The following C19orf47 variants were observed in gnomAD, a reference collection of about 807,000 sequenced individuals.
C19orf47 encodes the protein uncharacterized protein C19orf47.
In C19orf47, 18 loss-of-function variants were observed where a neutral mutation model predicts 32.3. The ratio of observed to expected loss-of-function variants is 0.56; its 90% CI spans 0.39 to 0.83. The LOEUF is 0.83. Ranked by LOEUF, C19orf47 falls within the 40% of genes least tolerant of loss-of-function variation. The probability of loss-of-function intolerance (pLI) is 0.00; values close to 1 mark genes in which losing one functional copy is unlikely to be tolerated. For missense variants in C19orf47, 484 were observed against 531.6 expected (o/e 0.91, Z 0.88); for synonymous variants, 202 against 211.1 (o/e 0.96, Z 0.37).
At chr19:40,341,917 A>G in intron 1 of C19orf47, 27 bp from the exon 2 acceptor site, 1 of 1,536,178 alleles carries the variant, frequency 6.5e-7, no homozygotes, top group Non-Finnish European at 8.7e-7. Context: ...GAGAGAGCCC[A>G]TGAGCTGCTG....
chr19:40,335,586 A>G (rs2078045948), intron 4 of C19orf47, among the ~76,000 whole-genome samples: 1 of 152,124 alleles, frequency 6.6e-6, no homozygotes, highest in Non-Finnish European at 1.5e-5. Context: ...TCTCAAAAAA[A>G]TATATACAAC....
At chr19:40,296,547 G>C in the C19orf47 span, among the ~76,000 whole-genome samples, 1 of 151,992 alleles carries the variant, frequency 6.6e-6, no homozygotes, top group African/African-American at 2.4e-5. Flanking sequence ...CTCCCAAAAT[G>C]CTAGGATCAC....
At chr19:40,293,776 T>G in the C19orf47 span, among the ~76,000 whole-genome samples, 1 of 152,078 alleles carries the variant, frequency 6.6e-6, no homozygotes, top group African/African-American at 2.4e-5. Flanking sequence ...TTGCTACTGT[T>G]AATCTGCCTT....
chr19:40,311,426 C>CAG, the C19orf47 span, among the ~76,000 whole-genome samples: 20 of 151,900 alleles, frequency 1.3e-4, no homozygotes, highest in Non-Finnish European at 1.9e-4. Context: ...CCTGTAGTCC[C>CAG]AGATACTCAG....
At chr19:40,348,399 C>A, upstream of C19orf47, 1 of 1,477,528 alleles carries the variant, frequency 6.8e-7, no homozygotes, top group Non-Finnish European at 8.9e-7. Context: ...ACACTCCTCC[C>A]CCGGCCCGGG....
intron 5 of C19orf47, among the ~76,000 whole-genome samples, chr19:40,330,523 C>A (rs1292582106): frequency 6.7e-6 from 1 of 150,142 alleles, no homozygotes; most frequent in Non-Finnish European, 1.5e-5. Flanking sequence ...CAGGCGTGAG[C>A]CACCATACCC....
intron 5 of C19orf47, among the ~76,000 whole-genome samples, chr19:40,332,804 A>G (rs1355449421): frequency 6.6e-6 from 1 of 152,178 alleles, no homozygotes; most frequent in African/African-American, 2.4e-5. Context: ...CACAGAGAAC[A>G]TTTTGAGTTG....
intron 2 of C19orf47, among the ~76,000 whole-genome samples, chr19:40,341,560 A>C (rs908517556): frequency 3.3e-5 from 5 of 152,170 alleles, no homozygotes; most frequent in African/African-American, 1.2e-4. Flanking sequence ...TCCATTTCAC[A>C]GGTGAGAAAA....
chr19:40,335,726 C>T (rs2078050735), intron 4 of C19orf47, among the ~76,000 whole-genome samples: 1 of 152,020 alleles, frequency 6.6e-6, no homozygotes, highest in South Asian at 2.1e-4. Flanking sequence ...TCTCCTGCCT[C>T]AGCCTCCCAA....
At chr19:40,326,287 G>A (rs768407897) in intron 7 of C19orf47, 47 bp downstream of exon 7, 1 of 1,608,226 alleles carries the variant, frequency 6.2e-7, no homozygotes, top group Non-Finnish European at 8.5e-7. Flanking sequence ...GATGCAGAGG[G>A]AGGGACATGG....
chr19:40,307,103 T>C, the C19orf47 span, among the ~76,000 whole-genome samples: 6 of 142,766 alleles, frequency 4.2e-5, no homozygotes, highest in Admixed American at 1.4e-4. Context: ...TTTTTTTTTT[T>C]TTTTTTTTTT....
At position 40,321,991 on chromosome 19, in the gene C19orf47, C is replaced by T. The variant is rs1486373463; in HGVS notation, c.1049G>A (p.Arg350Lys). The change falls in exon 9 of 9, where the codon AGG becomes AAG. Residue 350 changes from arginine to lysine, a missense_variant. Physicochemically the swap from Arg to Lys is conservative, Grantham distance 26. Transcript: ENST00000683109. ...GCTCCCCCGGGGCCCCACCAGAGTCCTCTTAATGGTGACCTTGACCTCGGC... is the reference window on the plus strand; with the variant it reads ...GCTCCCCCGGGGCCCCACCAGAGTCTTCTTAATGGTGACCTTGACCTCGGC... ...SSAEVKVTIK[R>K]TLVGPRGSSS... The T allele has an allele frequency of 5.0e-6, 8 of 1,613,926 alleles. No individual in the cohort carries two copies. The highest frequency in any genetic ancestry group is 6.8e-6 in the Non-Finnish European group (8 of 1,179,956).
rs1056765844 is a variant in C19orf47 at position 40,333,835 on chromosome 19, A to G, written c.301+16T>C. The stretch of plus-strand genomic sequence containing the variant: ...ATAAAAATCAAGGAAAAGAGGCCTG[A>G]ATAGTTAGGACTCACCACTGGTGCC... On this transcript the variant is annotated intron_variant, in intron 5 of 8. Transcript: ENST00000683109. 14 of 1,539,378 alleles carry G rather than the reference A, an allele frequency of 9.1e-6. No individual in the cohort carries two copies. Among genetic ancestry groups the G allele is most frequent in the Middle Eastern group, 1.7e-4 (1 of 5,908 alleles).
intron 7 of C19orf47, 171 bp from the exon 8 acceptor site, chr19:40,324,247 A>T (rs2077782535): frequency 1.5e-6 from 1 of 648,010 alleles, no homozygotes. Context: ...ACCCTAACCC[A>T]CCCCTATCTG....
At chr19:40,348,138 C>A (rs1232293921) in intron 1 of C19orf47, among the ~76,000 whole-genome samples, 186 bp downstream of exon 1, 1 of 152,228 alleles carries the variant, frequency 6.6e-6, no homozygotes, top group Admixed American at 6.5e-5. Flanking sequence ...TTCTCACTCC[C>A]ATTTATAAAG....
chr19:40,342,630 G>A (rs769617837), intron 1 of C19orf47, among the ~76,000 whole-genome samples: 6 of 152,172 alleles, frequency 3.9e-5, no homozygotes, highest in African/African-American at 7.2e-5. Flanking sequence ...TTAGTGCCAC[G>A]GAGAAGACAT....
In C19orf47 at chr19:40,341,892, T is replaced by C. The variant is rs758120553; in HGVS notation, c.-33-2A>G. The stretch of plus-strand genomic sequence containing the variant: ...GGCCCTGACACTGCTCCCTGGAGCC[T>C]GAAAGAGAAGAGAGGAGAGAGCCCA... On this transcript the variant is annotated splice_acceptor_variant, in intron 1 of 8. Transcript: ENST00000683109. LOFTEE classifies it low-confidence loss of function (5UTR_SPLICE). 24 of 1,536,070 alleles carry C rather than the reference T, an allele frequency of 1.6e-5. No homozygotes were observed. The highest frequency in any genetic ancestry group is 2.6e-6 in the Non-Finnish European group (3 of 1,146,894).
chr19:40,302,544 G>A, the C19orf47 span, among the ~76,000 whole-genome samples: 4 of 152,048 alleles, frequency 2.6e-5, no homozygotes, highest in Non-Finnish European at 4.4e-5. Flanking sequence ...CTTCTGCCTC[G>A]ACTCCCAAAG....
At chr19:40,327,962 G>A (rs772719442) in intron 6 of C19orf47, among the ~76,000 whole-genome samples, 12 of 152,206 alleles carry the variant, frequency 7.9e-5, no homozygotes, top group Non-Finnish European at 1.6e-4. Flanking sequence ...GAGCCCCGGA[G>A]AGTTACAGCC....
Sources: gnomAD v4.1 joint callset for allele counts (sites outside exome capture counted in the v4.1 genomes callset) on GRCh38, gnomAD v4.1.1 for gene constraint, MANE v1.5 for transcripts, NCBI Gene and HGNC (gene_info 2026-07-23, HGNC 2026-07-21) for gene names.